Variants in PHIP observed in about 807,000 individuals in gnomAD.
PHIP encodes PH-interacting protein.
PHIP carries 54 observed loss-of-function variants against 236.8 expected under a neutral mutation model. The observed-to-expected ratio is 0.23, with a 90% CI of 0.18 to 0.29. PHIP has a LOEUF of 0.29. Among genes scored for constraint, PHIP ranks in the 10% least tolerant of loss-of-function variants. The pLI is 1.00. For synonymous variants in PHIP, 756 were observed against 718.9 expected, an observed-to-expected ratio of 1.05 and a Z score of -0.83; for missense variants, 1,370 against 2,190.8, an observed-to-expected ratio of 0.63 and a Z score of 7.48.
intron 15 of PHIP, among the ~76,000 whole-genome samples, chr6:79,010,383 A>C (rs1245758914): frequency 6.6e-6 from 1 of 151,576 alleles, no homozygotes; most frequent in Non-Finnish European, 1.5e-5. Context: ...GGATTAGTGG[A>C]CACTGGAACT....
chr6:78,950,604 T>C (rs1774088686), intron 35 of PHIP, among the ~76,000 whole-genome samples: 1 of 152,200 alleles, frequency 6.6e-6, no homozygotes, highest in African/African-American at 2.4e-5. Context: ...ATGTAAGTTA[T>C]CAAATTTATA....
chr6:78,973,290 G>A lies in PHIP; in HGVS notation c.2890-2402C>T, dbSNP rs918139884. On this transcript the variant is annotated intron_variant, in intron 24 of 39. Coordinates refer to ENST00000275034, the MANE Select transcript of PHIP (RefSeq NM_017934.7). ...TCCAGCCAAAGTAAGCTTCATAAGT[G>A]AAGGAGAAATAAAATACTTTACAGA... is the stretch of plus-strand genomic sequence containing the variant. 1.5e-4 allele frequency among the ~76,000 whole-genome samples: 23 copies of A among 151,146 alleles called. 1 individual carries two copies. Among genetic ancestry groups the A allele is most frequent in the Admixed American group, 1.2e-3 (18 of 15,154 alleles).
chr6:78,967,817 T>C (rs887491545), intron 27 of PHIP, among the ~76,000 whole-genome samples: 2 of 152,154 alleles, frequency 1.3e-5, no homozygotes, highest in Non-Finnish European at 2.9e-5. Context: ...CCGCAATTTA[T>C]TGGCAAATGC....
At chr6:79,035,265 T>C (rs983187959) in intron 7 of PHIP, among the ~76,000 whole-genome samples, 2 of 152,104 alleles carry the variant, frequency 1.3e-5, no homozygotes, top group South Asian at 4.1e-4. Context: ...GACCCCTGAG[T>C]CTTCTTGGGA....
At chr6:79,047,163 C>A (rs747368750) in intron 6 of PHIP, among the ~76,000 whole-genome samples, 1 of 152,060 alleles carries the variant, frequency 6.6e-6, no homozygotes, top group African/African-American at 2.4e-5. Flanking sequence ...TTCAGAACAG[C>A]CTTTGAAATA....
chr6:78,993,312 G>T (rs568975888), intron 19 of PHIP, among the ~76,000 whole-genome samples: 4 of 152,342 alleles, frequency 2.6e-5, no homozygotes, highest in African/African-American at 7.2e-5. Context: ...AATTTATCCA[G>T]AATAACTAGC....
chr6:78,999,217 C>A (rs1370729313), intron 17 of PHIP, among the ~76,000 whole-genome samples: 1 of 152,152 alleles, frequency 6.6e-6, no homozygotes, highest in Non-Finnish European at 1.5e-5. Context: ...TCATAGAGGA[C>A]CACTTGACTT....
intron 9 of PHIP, among the ~76,000 whole-genome samples, chr6:79,021,319 A>C (rs571993569): frequency 4.5e-4 from 69 of 152,182 alleles, no homozygotes; most frequent in African/African-American, 1.6e-3. Flanking sequence ...GCTAATTCTT[A>C]TATTTTTAGT....
Position 79,060,586 on chromosome 6 carries a change from A to G in PHIP, c.341-10T>C. ...ACAACATGCTTGCAGCCTATTAAAC[A>G]CATGTATTTTTATGCATACAAAGAA... On this transcript the variant is annotated splice_polypyrimidine_tract_variant and intron_variant, in intron 5 of 39. Transcript: ENST00000275034. 1 of 1,612,420 alleles carries G rather than the reference A, an allele frequency of 6.2e-7. No homozygotes were observed. Among genetic ancestry groups the G allele is most frequent in the Non-Finnish European group, 8.5e-7 (1 of 1,179,070 alleles).
At chr6:78,977,804 T>C (rs1768217238) in intron 24 of PHIP, among the ~76,000 whole-genome samples, 1 of 152,212 alleles carries the variant, frequency 6.6e-6, no homozygotes, top group African/African-American at 2.4e-5. Flanking sequence ...GTAGGATTTT[T>C]AAATAAATTC....
intron 6 of PHIP, among the ~76,000 whole-genome samples, chr6:79,047,380 T>C (rs1435255481): frequency 1.3e-5 from 2 of 152,192 alleles, no homozygotes; most frequent in Non-Finnish European, 2.9e-5. Context: ...GATTTACTTA[T>C]CCAATCATAA....
At chr6:79,052,364 T>G (rs1367971048) in intron 6 of PHIP, among the ~76,000 whole-genome samples, 1 of 152,138 alleles carries the variant, frequency 6.6e-6, no homozygotes, top group East Asian at 1.9e-4. Context: ...AAGTCAAGAT[T>G]GACTTGCACA....
intron 31 of PHIP, among the ~76,000 whole-genome samples, chr6:78,961,261 A>C (rs551727640): frequency 6.6e-6 from 1 of 151,958 alleles, no homozygotes; most frequent in Non-Finnish European, 1.5e-5. Flanking sequence ...GAATACAGGC[A>C]AAATAAGAAC....
At chr6:79,021,884 T>C (rs1330126142) in intron 9 of PHIP, among the ~76,000 whole-genome samples, 1 of 152,124 alleles carries the variant, frequency 6.6e-6, no homozygotes, top group African/African-American at 2.4e-5. Flanking sequence ...ATTGGATAAT[T>C]TGTAATACAA....
Position 78,938,239 on chromosome 6 carries a change from G to A in PHIP, c.*2454C>T. ...GTTACTGTGCTTTACTAAGAAACCA[G>A]TGTCTAATAATGTCCAAATAAGGTC... On this transcript the variant is annotated 3_prime_UTR_variant, in exon 40 of 40. Coordinates refer to ENST00000275034, the MANE Select transcript of PHIP (RefSeq NM_017934.7). 1 of 151,620 alleles carries A rather than the reference G, an allele frequency of 6.6e-6. No homozygotes were observed. The highest frequency in any genetic ancestry group is 1.9e-4 in the East Asian group (1 of 5,198). The allele number at this position is 151,620 out of a possible 1,614,324, so 9.4% of individuals were successfully genotyped here.
intron 6 of PHIP, among the ~76,000 whole-genome samples, chr6:79,050,609 G>A (rs1014133897): frequency 1.3e-5 from 2 of 152,126 alleles, no homozygotes; most frequent in African/African-American, 4.8e-5. Flanking sequence ...TTTCTCTATA[G>A]AGCATACGTT....
At chr6:78,986,319 T>C (rs1768865790) in intron 21 of PHIP, among the ~76,000 whole-genome samples, 1 of 152,216 alleles carries the variant, frequency 6.6e-6, no homozygotes, top group African/African-American at 2.4e-5. Context: ...CTTCATAAAA[T>C]TGGGTTTTTT....
chr6:79,060,617 A>G, intron 5 of PHIP, 41 bp from the exon 6 acceptor site: 1 of 1,609,112 alleles, frequency 6.2e-7, no homozygotes, highest in Non-Finnish European at 8.5e-7. Context: ...AAGAACACAA[A>G]AACAAAAGTG....
chr6:78,974,951 G>T (rs1393220412), intron 24 of PHIP, among the ~76,000 whole-genome samples: 4 of 151,588 alleles, frequency 2.6e-5, no homozygotes, highest in Middle Eastern at 3.4e-3. Flanking sequence ...GGTACAAGGA[G>T]GAACTGGTAC....
Sources: gnomAD v4.1 joint callset for allele counts (sites outside exome capture counted in the v4.1 genomes callset) on GRCh38, gnomAD v4.1.1 for gene constraint, MANE v1.5 for transcripts, NCBI Gene and HGNC (gene_info 2026-07-23, HGNC 2026-07-21) for gene names.